SFXN1: variants seen among roughly 807,000 people sequenced by gnomAD.
SFXN1 encodes the protein sideroflexin-1.
A neutral mutation model predicts 39.5 loss-of-function variants in SFXN1; 32 were observed. The ratio of observed to expected loss-of-function variants is 0.81; its 90% CI spans 0.61 to 1.09. The LOEUF is 1.09. Among genes scored for constraint, SFXN1 ranks in the 50% least tolerant of loss-of-function variants. SFXN1 has a pLI of 0.00. For missense variants in SFXN1, 402 were observed against 407.1 expected (o/e 0.99, Z 0.11); for synonymous variants, 136 against 146.5 (o/e 0.93, Z 0.52).
Position 175,508,325 on chromosome 5 carries a change from A to C in SFXN1, c.165-707A>C, listed in dbSNP as rs560328228. Among the ~76,000 whole-genome samples the C allele has an allele frequency of 6.0e-5, 9 of 148,950 alleles. No individual in the cohort carries two copies. In the East Asian group the frequency reaches 1.8e-3, roughly 30 times the overall value. The stretch of plus-strand genomic sequence containing the variant: ...ACTGCAGCCTCAACCTCCCGGGCTC[A>C]AGTGATCCTCTTGCCTCAGCCTCCC... On this transcript the variant is annotated intron_variant, in intron 2 of 10. Transcript: ENST00000321442.
intron 2 of SFXN1, among the ~76,000 whole-genome samples, chr5:175,500,801 A>T (rs1561661785): frequency 6.6e-6 from 1 of 152,236 alleles, no homozygotes; most frequent in Admixed American, 6.5e-5. Flanking sequence ...AACAGAAGAG[A>T]ATCCTGAAAT....
chr5:175,482,303 G>A (rs956395884), intron 1 of SFXN1, among the ~76,000 whole-genome samples: 2 of 152,126 alleles, frequency 1.3e-5, no homozygotes, highest in African/African-American at 2.4e-5. Context: ...GCTTAATAAC[G>A]CAGTTATCAT....
chr5:175,513,670 A>G lies in SFXN1; in HGVS notation c.724+80A>G. The G allele has an allele frequency of 1.0e-5, 15 of 1,458,232 alleles. No individual in the cohort carries two copies. The South Asian group carries it at 1.5e-4, about 15-fold the overall frequency. 90.3% of individuals were successfully genotyped at this position (1,458,232 alleles called of 1,614,324 possible). A position where few individuals can be genotyped will look rare whatever the true frequency, so the allele number is the denominator to read the frequency against. ...GATCCGTGAACCAGAAAACAAACAC[A>G]TATATCACACCTCTTAGTGGAAATT... On this transcript the variant is annotated intron_variant, in intron 7 of 10. Transcript: ENST00000321442.
intron 1 of SFXN1, among the ~76,000 whole-genome samples, chr5:175,481,496 A>G (rs907166416): frequency 6.6e-6 from 1 of 152,114 alleles, no homozygotes; most frequent in African/African-American, 2.4e-5. Context: ...TTGTATTTTT[A>G]GTAGAGACGG....
chr5:175,499,917 A>T (rs1016575228), intron 2 of SFXN1, among the ~76,000 whole-genome samples: 5 of 152,254 alleles, frequency 3.3e-5, no homozygotes, highest in Admixed American at 3.3e-4. Context: ...GGCCAGGCGC[A>T]GTGGCTCATG....
intron 10 of SFXN1, among the ~76,000 whole-genome samples, chr5:175,526,126 T>G (rs1211152217): frequency 1.0e-4 from 9 of 87,738 alleles, no homozygotes; most frequent in Non-Finnish European, 1.4e-4. Context: ...ATGTTTTGGT[T>G]TTTTTTTTTT....
rs115621529 is a variant in SFXN1 at position 175,515,498 on chromosome 5, G to A, written c.725-1116G>A. Among the ~76,000 whole-genome samples the A allele has an allele frequency of 4.3e-3, 650 of 152,288 alleles. 3 individuals carry two copies. Among genetic ancestry groups the A allele is most frequent in the Middle Eastern group, 6.8e-3 (2 of 294 alleles). Reference sequence around the variant, plus strand: ...GAGTAATTGACATATTGAAATAGTGGATATGACAGTTTAGCCTGATAAAAG... The same window carrying A: ...GAGTAATTGACATATTGAAATAGTGAATATGACAGTTTAGCCTGATAAAAG... On this transcript the variant is annotated intron_variant, in intron 7 of 10. Coordinates refer to ENST00000321442, the MANE Select transcript of SFXN1 (RefSeq NM_022754.7).
chr5:175,498,441 T>C (rs1209055833), intron 2 of SFXN1, among the ~76,000 whole-genome samples: 1 of 152,166 alleles, frequency 6.6e-6, no homozygotes, highest in Non-Finnish European at 1.5e-5. Flanking sequence ...AGAGCCAGGA[T>C]TAAAATCCAG....
chr5:175,487,708 C>T (rs535131635), intron 1 of SFXN1, among the ~76,000 whole-genome samples: 141 of 152,302 alleles, frequency 9.3e-4, no homozygotes, highest in African/African-American at 3.2e-3. Context: ...CCAGATTACA[C>T]TTCTCCCCTG....
At chr5:175,501,380 A>G (rs933290955) in intron 2 of SFXN1, among the ~76,000 whole-genome samples, 7 of 152,076 alleles carry the variant, frequency 4.6e-5, no homozygotes, top group African/African-American at 1.4e-4. Flanking sequence ...ATGGGCAAAC[A>G]TTTCTTAGAT....
chr5:175,495,003 C>T (rs1039807564), intron 2 of SFXN1, among the ~76,000 whole-genome samples: 3 of 152,146 alleles, frequency 2.0e-5, no homozygotes, highest in Non-Finnish European at 2.9e-5. Context: ...TACATAGCAG[C>T]ATTATTCACA....
At chr5:175,510,255 T>C in intron 4 of SFXN1, 48 bp downstream of exon 4, 10 of 1,454,416 alleles carry the variant, frequency 6.9e-6, no homozygotes, top group Non-Finnish European at 8.6e-6. Flanking sequence ...CAACCTTCAT[T>C]TTATTAAGTG....
intron 6 of SFXN1, among the ~76,000 whole-genome samples, 155 bp downstream of exon 6, chr5:175,512,351 G>A (rs1415424711): frequency 6.6e-5 from 10 of 152,182 alleles, no homozygotes; most frequent in Admixed American, 1.3e-4. Context: ...CTGGGGTTGG[G>A]GATGAGGATG....
rs1225827999 is a variant in SFXN1 at position 175,529,619 on chromosome 5, G to GT, written c.*2886dup. The GT allele has an allele frequency of 6.6e-6, 1 of 152,208 alleles. No individual in the cohort carries two copies. The highest frequency in any genetic ancestry group is 1.5e-5 in the Non-Finnish European group (1 of 68,036). 9.4% of individuals were successfully genotyped at this position (152,208 alleles called of 1,614,324 possible). ...TAACATGATACAAAGGATGATGATTGTAAGTGTTTACTGACTGGCAGCTTT... is the reference window on the plus strand; with the variant it reads ...TAACATGATACAAAGGATGATGATTGTTAAGTGTTTACTGACTGGCAGCTTT... On this transcript the variant is annotated 3_prime_UTR_variant, in exon 11 of 11. Transcript: ENST00000321442.
chr5:175,489,769 C>T (rs1759590501), intron 1 of SFXN1, among the ~76,000 whole-genome samples: 1 of 152,236 alleles, frequency 6.6e-6, no homozygotes, highest in African/African-American at 2.4e-5. Flanking sequence ...CCAGGAGGTC[C>T]AGCACAAGGC....
At chr5:175,504,240 C>T (rs1760202661) in intron 2 of SFXN1, among the ~76,000 whole-genome samples, 2 of 152,076 alleles carry the variant, frequency 1.3e-5, no homozygotes, top group African/African-American at 2.4e-5. Context: ...CAAACTTGGA[C>T]ATGAGCCCTT....
Position 175,522,287 on chromosome 5 carries a change from G to A in SFXN1, c.825-88G>A, listed in dbSNP as rs554422327. 1.2e-3 allele frequency: 1,518 copies of A among 1,319,368 alleles called. 5 individuals are homozygous for A. The Middle Eastern group carries it at 0.02, about 17-fold the overall frequency. 81.7% of individuals were successfully genotyped at this position (1,319,368 alleles called of 1,614,324 possible). On this transcript the variant is annotated intron_variant, in intron 9 of 10. Transcript: ENST00000321442. ...CACAGAACGTAATGCTCTGAAGAAA[G>A]AAGGGATTGTTATAAAAGTAAAATA...
At chr5:175,501,046 C>G (rs1288341268) in intron 2 of SFXN1, among the ~76,000 whole-genome samples, 3 of 148,124 alleles carry the variant, frequency 2.0e-5, no homozygotes. Flanking sequence ...ATCTTTATGA[C>G]TTTGATATGG....
At chr5:175,504,027 C>A in intron 2 of SFXN1, among the ~76,000 whole-genome samples, 1 of 129,440 alleles carries the variant, frequency 7.7e-6, no homozygotes, top group African/African-American at 3.2e-5. Flanking sequence ...AAAAGGGATC[C>A]TATGGAATAC....
Sources: gnomAD v4.1 joint callset for allele counts (sites outside exome capture counted in the v4.1 genomes callset) on GRCh38, gnomAD v4.1.1 for gene constraint, MANE v1.5 for transcripts, NCBI Gene and HGNC (gene_info 2026-07-23, HGNC 2026-07-21) for gene names.